The following CGN variants were observed in gnomAD, a reference collection of about 807,000 sequenced individuals.
CGN encodes the protein cingulin.
CGN carries 121 observed loss-of-function variants against 157.1 expected under a neutral mutation model. The observed-to-expected ratio is 0.77, with a 90% confidence interval of 0.66 to 0.90. The LOEUF is 0.90. CGN is among the 40% of genes least tolerant of loss of function. CGN has a pLI of 0.00. For synonymous variants in CGN, 535 were observed against 607.5 expected, an observed-to-expected ratio of 0.88 and a Z score of 1.76; for missense variants, 1,424 against 1,520.9, an observed-to-expected ratio of 0.94 and a Z score of 1.06.
rs977696025 is a variant in CGN, at chr1:151,535,970, G to A, written c.3197+72G>A. ...CCCTCCCTCTTGGCTTTTCTCCTCT[G>A]TGGCTCCCTCCATCTTCCACCTCAG... On this transcript the variant is annotated intron_variant, in intron 18 of 20. Transcript: ENST00000271636. 6.8e-5 allele frequency: 83 copies of A among 1,212,514 alleles called. No homozygotes were observed. In the Admixed American group the frequency reaches 1.0e-3, roughly 15 times the overall value. The allele number at this position is 1,212,514 out of a possible 1,614,324, so 75.1% of individuals were successfully genotyped here. A position where few individuals can be genotyped will look rare whatever the true frequency, so the allele number is the denominator to read the frequency against.
At chr1:151,513,634 C>T (rs1441786920) in intron 1 of CGN, among the ~76,000 whole-genome samples, 4 of 152,220 alleles carry the variant, frequency 2.6e-5, no homozygotes, top group Admixed American at 2.6e-4. Context: ...TCCACACACC[C>T]GAAACCACCC....
rs1664970348 is a variant in CGN at position 151,536,412 on chromosome 1, C to T, written c.3306+67C>T. 9 of 896,378 alleles carry T rather than the reference C, an allele frequency of 1.0e-5. No homozygotes were observed. The East Asian group carries it at 2.2e-4, about 22-fold the overall frequency. 55.5% of individuals were successfully genotyped at this position (896,378 alleles called of 1,614,324 possible). A position where few individuals can be genotyped will look rare whatever the true frequency, so the allele number is the denominator to read the frequency against. ...TATATATTATATGTTTTCCTGAAAG[C>T]CAAGGGAGGCCCTTATCTCCTATAG... is the stretch of plus-strand genomic sequence containing the variant. On this transcript the variant is annotated intron_variant, in intron 19 of 20. Transcript: ENST00000271636.
At chr1:151,513,727 G>A (rs1191973480) in intron 1 of CGN, among the ~76,000 whole-genome samples, 1 of 152,218 alleles carries the variant, frequency 6.6e-6, no homozygotes, top group Non-Finnish European at 1.5e-5. Context: ...CAGAGGTGAT[G>A]GAATTGGGGC....
At chr1:151,516,247 G>A (rs1449586101) in intron 1 of CGN, among the ~76,000 whole-genome samples, 1 of 152,182 alleles carries the variant, frequency 6.6e-6, no homozygotes, top group Non-Finnish European at 1.5e-5. Flanking sequence ...AACTCCATGG[G>A]GAGGTTGAGT....
chr1:151,523,564 G>C lies in CGN; in HGVS notation c.1268+3G>C, dbSNP rs1227782893. The C allele has an allele frequency of 6.2e-7, 1 of 1,601,804 alleles. No homozygotes were observed. The highest frequency in any genetic ancestry group is 8.5e-7 in the Non-Finnish European group (1 of 1,175,082). On this transcript the variant is annotated splice_donor_region_variant and intron_variant, in intron 6 of 20. Coordinates refer to ENST00000271636, the MANE Select transcript of CGN (RefSeq NM_020770.3). ...GAGGCCCAGCAGAGCAACAAGGAGT[G>C]AGTGCAGCTGGTGGCGCACCTCGGG...
chr1:151,523,631 T>C, intron 6 of CGN, 70 bp downstream of exon 6: 1 of 1,445,920 alleles, frequency 6.9e-7, no homozygotes, highest in South Asian at 1.4e-5. Context: ...CACTCCCTCT[T>C]TGCCCCTAGG....
At chr1:151,515,563 T>G (rs1470646600) in intron 1 of CGN, 3 of 152,118 alleles carry the variant, frequency 2.0e-5, no homozygotes, top group African/African-American at 7.2e-5. Context: ...AGCTTCAACC[T>G]CCTGGGCTCA....
intron 9 of CGN, among the ~76,000 whole-genome samples, chr1:151,526,663 G>A (rs559591981): frequency 3.3e-5 from 5 of 152,082 alleles, no homozygotes; most frequent in South Asian, 2.1e-4. Context: ...TTGTAGAGAC[G>A]GGGTTTCATT....
At chr1:151,532,852 C>T (rs1664871507) in intron 14 of CGN, among the ~76,000 whole-genome samples, 1 of 152,028 alleles carries the variant, frequency 6.6e-6, no homozygotes, top group African/African-American at 2.4e-5. Flanking sequence ...ATCTCCTGAC[C>T]TCGTGATCCG....
Position 151,523,504 on chromosome 1 carries a change from G to T in CGN, c.1211G>T (p.Ser404Ile). The change falls in exon 6 of 21, where the codon AGC (serine) becomes ATC (isoleucine). Residue 404 changes from serine to isoleucine, a missense_variant. Physicochemically the swap from Ser to Ile is moderately radical, Grantham distance 142. Around this residue, in one of 3 missense-constraint regions of CGN, gnomAD observed 1,187 missense variants for 1,217.6 expected, o/e 0.97. Transcript: ENST00000271636. The stretch of plus-strand genomic sequence containing the variant: ...CTGGAGGAGAAAACAGAAGAGTGCA[G>T]CCGACTGCAGGAGCTGCTGGAGAGG... The part of the protein sequence containing the change: ...RQLEEKTEEC[S>I]RLQELLERRK... The T allele has an allele frequency of 1.2e-6, 2 of 1,613,458 alleles. No individual in the cohort carries two copies. The highest frequency in any genetic ancestry group is 1.7e-6 in the Non-Finnish European group (2 of 1,179,722).
rs1425708628 is a variant in CGN at position 151,519,249 on chromosome 1, C to G, written c.730C>G (p.His244Asp). The stretch of plus-strand genomic sequence containing the variant: ...GACCTCTAGCACAAAATATGACAAC[C>G]ATGTGGGCACTTCGAAGCAGCCAGC... ...HWTSSTKYDN[H>D]VGTSKQPAQS... Residue 244 changes from histidine to aspartate, a missense_variant, in exon 2 of 21, where the codon CAT (histidine) becomes GAT (aspartate). By Grantham distance (81) the His-to-Asp change is moderately conservative (BLOSUM62 -1). Coordinates refer to ENST00000271636, the MANE Select transcript of CGN (RefSeq NM_020770.3). 3.1e-6 allele frequency: 5 copies of G among 1,614,162 alleles called. No individual in the cohort carries two copies. The highest frequency in any genetic ancestry group is 4.2e-6 in the Non-Finnish European group (5 of 1,180,040).
At chr1:151,520,045 T>TG in intron 2 of CGN, 121 bp from the exon 3 acceptor site, 3 of 719,226 alleles carry the variant, frequency 4.2e-6, no homozygotes, top group Non-Finnish European at 4.6e-6. Flanking sequence ...TCATCATGCT[T>TG]GAAGGGACTT....
At position 151,529,332 on chromosome 1, in the gene CGN, A is replaced by T; in HGVS notation, c.1897-18A>T. ...GTCTGGCTCTGGGTGCCCCATCACC[A>T]TTCCCGTTTCCTTCCAGGAGCTGCT... On this transcript the variant is annotated intron_variant, in intron 10 of 20. Coordinates refer to ENST00000271636, the MANE Select transcript of CGN (RefSeq NM_020770.3). 1.9e-6 allele frequency: 3 copies of T among 1,609,928 alleles called. No homozygotes were observed. The highest frequency in any genetic ancestry group is 2.5e-6 in the Non-Finnish European group (3 of 1,176,806).
rs769173362 is a variant in CGN at position 151,518,559 on chromosome 1, G to A, written c.40G>A (p.Val14Ile). The A allele has an allele frequency of 2.8e-5, 45 of 1,612,582 alleles. No homozygotes were observed. Among genetic ancestry groups the A allele is most frequent in the East Asian group, 6.7e-5 (3 of 44,842 alleles). ...CAACATGGCTGAGCCCCGGGGCCCC[G>A]TAGACCATGGAGTCCAGATTCGCTT... is the stretch of plus-strand genomic sequence containing the variant. ...APNMAEPRGP[V>I]DHGVQIRFIT... The change falls in exon 2 of 21, where the codon GTA becomes ATA. Residue 14 changes from valine to isoleucine, a missense_variant. Around this residue, in one of 3 missense-constraint regions of CGN, gnomAD observed 1,187 missense variants for 1,217.6 expected, o/e 0.97. Transcript: ENST00000271636.
At chr1:151,531,428 G>C (rs1164924157) in intron 13 of CGN, among the ~76,000 whole-genome samples, 1 of 152,214 alleles carries the variant, frequency 6.6e-6, no homozygotes, top group Non-Finnish European at 1.5e-5. Flanking sequence ...GTGGTGGCTT[G>C]TTCCTCAGTT....
chr1:151,513,155 T>C (rs1374763333), intron 1 of CGN, among the ~76,000 whole-genome samples: 2 of 152,236 alleles, frequency 1.3e-5, no homozygotes, highest in African/African-American at 4.8e-5. Context: ...CCATCAAGGC[T>C]GGAGAGCCCC....
rs202135188 is a variant in CGN at position 151,536,790 on chromosome 1, C to T, written c.3367C>T (p.Arg1123Ter). The T allele has an allele frequency of 1.3e-5, 21 of 1,613,962 alleles. No individual in the cohort carries two copies. The highest frequency in any genetic ancestry group is 9.3e-5 in the African/African-American group (7 of 74,894). The change falls in exon 20 of 21, where the codon CGA becomes TGA. Residue 1123 changes from arginine (R) to a stop codon, truncating the protein, a stop_gained. Transcript: ENST00000271636. LOFTEE classifies it high-confidence loss of function. ...QVDEAEEEIE[R>*]LDGLRKKAQR... ...GGATGAAGCAGAAGAGGAAATTGAG[C>T]GACTGGACGGCCTGAGGAAGAAGGC...
intron 1 of CGN, among the ~76,000 whole-genome samples, chr1:151,512,892 C>T (rs374931813): frequency 2.0e-5 from 3 of 152,218 alleles, no homozygotes; most frequent in African/African-American, 7.2e-5. Context: ...GGCCTGCATG[C>T]CATTCCCCTT....
In CGN at chr1:151,518,664, A is replaced by G. The variant is rs566214963; in HGVS notation, c.145A>G (p.Ser49Gly). The change falls in exon 2 of 21, where the codon AGT becomes GGT. Residue 49 changes from serine (S) to glycine (G), a missense_variant. This residue lies in a region of CGN where 1,187 missense variants were observed against 1,217.6 expected (regional missense o/e 0.97). Transcript: ENST00000271636. ...ACGCCCAGCTAAGGATGCAAGAGCC[A>G]GTACCTACGGGGTTGCTGTGCGTGT... ...GRRPAKDARA[S>G]TYGVAVRVQG... 46 of 1,614,198 alleles carry G rather than the reference A, an allele frequency of 2.8e-5. 1 individual carries two copies. In the South Asian group the frequency reaches 3.2e-4, roughly 11 times the overall value.
Sources: allele counts gnomAD v4.1 joint callset (sites outside exome capture counted in the v4.1 genomes callset), GRCh38; gene constraint gnomAD v4.1.1; regional missense constraint gnomAD v4.1.1; transcripts MANE v1.5; gene names NCBI Gene and HGNC (gene_info 2026-07-23, HGNC 2026-07-21).